TRPM6: variants seen among roughly 807,000 people sequenced by gnomAD.
TRPM6 encodes transient receptor potential cation channel subfamily M member 6, also known as channel kinase 2.
TRPM6 carries 111 observed loss-of-function variants against 247.6 expected under a neutral mutation model. That is an observed-to-expected ratio of 0.45 (90% CI 0.38 to 0.52). The LOEUF (loss-of-function observed/expected upper bound fraction) is 0.52, where lower values mean the gene tolerates loss of function less well. TRPM6 is among the 20% of genes least tolerant of loss of function. The pLI is 0.00. For synonymous variants in TRPM6, 892 were observed against 853.8 expected, an observed-to-expected ratio of 1.04 and a Z score of -0.78; for missense variants, 2,126 against 2,421.5, an observed-to-expected ratio of 0.88 and a Z score of 2.56.
Position 74,724,715 on chromosome 9 carries a change from C to G in TRPM6, c.5967G>C (p.Arg1989Ser). Residue 1989 changes from arginine to serine, a missense_variant, in exon 39 of 39, where the codon AGG (arginine) becomes AGC (serine). Physicochemically the swap from Arg to Ser is moderately radical, Grantham distance 110 (BLOSUM62 -1). This residue lies in a region of TRPM6 where 327 missense variants were observed against 397.7 expected (regional missense o/e 0.82). Transcript: ENST00000360774. ...TCTCAAGTCCAAAGGTGGAATTTAT[C>G]CTTTCAGGGGAATAGTCATTTCTTT... ...DLKRNDYSPERINSTFGLEIK... is the reference protein window; with the variant it reads ...DLKRNDYSPESINSTFGLEIK... 1 of 1,614,136 alleles carries G rather than the reference C, an allele frequency of 6.2e-7. No individual in the cohort carries two copies. The highest frequency in any genetic ancestry group is 8.5e-7 in the Non-Finnish European group (1 of 1,180,008).
chr9:74,731,309 T>G (rs563470284), intron 37 of TRPM6, among the ~76,000 whole-genome samples: 1 of 152,162 alleles, frequency 6.6e-6, no homozygotes, highest in African/African-American at 2.4e-5. Flanking sequence ...GTACTTTTAG[T>G]ACAAGATTCC....
At chr9:74,772,385 G>C (rs1009303167) in intron 24 of TRPM6, among the ~76,000 whole-genome samples, 1 of 152,200 alleles carries the variant, frequency 6.6e-6, no homozygotes, top group Non-Finnish European at 1.5e-5. Context: ...TATTTTCACA[G>C]GTTAGAATGC....
intron 36 of TRPM6, among the ~76,000 whole-genome samples, chr9:74,735,165 G>A (rs1386193344): frequency 2.0e-5 from 3 of 151,886 alleles, no homozygotes; most frequent in East Asian, 3.9e-4. Flanking sequence ...AGGCTGCAGT[G>A]AGCCATGACT....
intron 27 of TRPM6, among the ~76,000 whole-genome samples, chr9:74,760,882 A>T (rs1215648754): frequency 2.6e-5 from 4 of 152,122 alleles, no homozygotes; most frequent in African/African-American, 9.7e-5. Context: ...GTTATTTATC[A>T]TGAGAGTGGA....
chr9:74,738,562 G>A lies in TRPM6; in HGVS notation c.5621C>T (p.Thr1874Ile). ...IYCHSANQWL[T>I]IEKYMTGEFR... ...CTCCCCTGTCATATACTTCTCAATG[G>A]TCAACCACTGGTTGGCTGAATGGCA... Residue 1874 changes from threonine (T) to isoleucine (I), a missense_variant, in exon 36 of 39, where the codon ACC becomes ATC. Around this residue, in one of 3 missense-constraint regions of TRPM6, gnomAD observed 327 missense variants for 397.7 expected, o/e 0.82. Coordinates refer to ENST00000360774, the MANE Select transcript of TRPM6 (RefSeq NM_017662.5). 1 of 1,614,012 alleles carries A rather than the reference G, an allele frequency of 6.2e-7. No individual in the cohort carries two copies.
chr9:74,854,813 A>C (rs1830472211), intron 3 of TRPM6, among the ~76,000 whole-genome samples: 1 of 152,076 alleles, frequency 6.6e-6, no homozygotes, highest in African/African-American at 2.4e-5. Context: ...ACAGGCACAC[A>C]CCAACAAGTC....
chr9:74,795,022 A>C (rs1828040788), intron 18 of TRPM6, among the ~76,000 whole-genome samples: 1 of 152,032 alleles, frequency 6.6e-6, no homozygotes, highest in African/African-American at 2.4e-5. Context: ...TTTGTTATAC[A>C]ACTTTCTTAG....
intron 1 of TRPM6, chr9:74,887,105 C>A (rs181354491): frequency 2.7e-4 from 142 of 516,442 alleles, no homozygotes; most frequent in African/African-American, 2.3e-3. Context: ...CCTCTCCAAG[C>A]CCCCAGAACT....
chr9:74,853,202 C>T (rs544449826), intron 3 of TRPM6, among the ~76,000 whole-genome samples: 2 of 151,344 alleles, frequency 1.3e-5, no homozygotes, highest in Non-Finnish European at 3.0e-5. Flanking sequence ...AAGTGAGAAG[C>T]CCCTCCGCCC....
chr9:74,758,928 G>T (rs1826528927), intron 27 of TRPM6, among the ~76,000 whole-genome samples: 1 of 151,974 alleles, frequency 6.6e-6, no homozygotes, highest in South Asian at 2.1e-4. Context: ...AGTTTAGCAA[G>T]GTTGCAAAAT....
intron 9 of TRPM6, 153 bp downstream of exon 9, chr9:74,820,151 T>G: frequency 1.2e-6 from 1 of 803,132 alleles, no homozygotes; most frequent in Non-Finnish European, 2.0e-6. Flanking sequence ...TTTATCCTGA[T>G]TTTCTCCCTC....
At chr9:74,756,856 A>C (rs1441092044) in intron 27 of TRPM6, among the ~76,000 whole-genome samples, 1 of 151,754 alleles carries the variant, frequency 6.6e-6, no homozygotes, top group Non-Finnish European at 1.5e-5. Flanking sequence ...CAAAAGAAAA[A>C]AAAAAATTAA....
rs1229638256 is a variant in TRPM6 at position 74,776,225 on chromosome 9, T to C, written c.3210-149A>G. ...ACTATCCACGTGTTTACAATTCTTC[T>C]TCCACCAAACAAAATATATTAGCTA... On this transcript the variant is annotated intron_variant, in intron 23 of 38. Coordinates refer to ENST00000360774, the MANE Select transcript of TRPM6 (RefSeq NM_017662.5). 1.8e-5 allele frequency: 13 copies of C among 716,788 alleles called. No individual in the cohort carries two copies. The East Asian group carries it at 3.5e-4, about 19-fold the overall frequency. 44.4% of individuals were successfully genotyped at this position (716,788 alleles called of 1,614,324 possible).
Position 74,761,702 on chromosome 9 carries a change from C to T in TRPM6, c.4779G>A (p.Gln1593=). Residue 1593 remains glutamine (Q), a synonymous_variant, in exon 27 of 39, where the codon CAG becomes CAA. Transcript: ENST00000360774. ...AGAATAACAGTACACTTACTGGCAC[C>T]TGGAGTCCTTGAGTATTCTTCTTTT... The part of the protein sequence containing the change: ...SKKKKNTQGL[Q]VPIITVNACS... 3 of 1,601,670 alleles carry T rather than the reference C, an allele frequency of 1.9e-6. No individual in the cohort carries two copies. Among genetic ancestry groups the T allele is most frequent in the Non-Finnish European group, 2.6e-6 (3 of 1,169,132 alleles).
chr9:74,785,730 A>G (rs565561019), intron 21 of TRPM6, 144 bp downstream of exon 21: 233 of 900,528 alleles, frequency 2.6e-4, no homozygotes, highest in Middle Eastern at 1.4e-3. Flanking sequence ...TCACCCTGTT[A>G]GCCAGGATGT....
At position 74,728,229 on chromosome 9, in the gene TRPM6, A is replaced by C. The variant is rs1222104350; in HGVS notation, c.5935+10T>G. 1.3e-6 allele frequency: 2 copies of C among 1,597,356 alleles called. No homozygotes were observed. Among genetic ancestry groups the C allele is most frequent in the Non-Finnish European group, 1.7e-6 (2 of 1,164,728 alleles). ...TTTACTTAGAGAAAAAAGAACTGTTAGTGGCATACCCGGGAGTTTGAGCTT... is the reference window on the plus strand; with the variant it reads ...TTTACTTAGAGAAAAAAGAACTGTTCGTGGCATACCCGGGAGTTTGAGCTT... On this transcript the variant is annotated intron_variant, in intron 38 of 38. Transcript: ENST00000360774.
chr9:74,827,561 A>T, intron 7 of TRPM6: 2 of 666,402 alleles, frequency 3.0e-6, no homozygotes, highest in South Asian at 3.3e-5. Flanking sequence ...TCATGGAAGG[A>T]TGAAGACTTT....
At chr9:74,733,971 G>C (rs1825609591) in intron 36 of TRPM6, among the ~76,000 whole-genome samples, 1 of 152,194 alleles carries the variant, frequency 6.6e-6, no homozygotes, top group Non-Finnish European at 1.5e-5. Context: ...TGAGATGTAT[G>C]CTTATGGTAT....
At chr9:74,887,598 C>A in intron 1 of TRPM6, 1 of 1,525,630 alleles carries the variant, frequency 6.6e-7, no homozygotes. Context: ...GAAACGGGGG[C>A]TGCGGGACCT....
Sources: allele counts gnomAD v4.1 joint callset (sites outside exome capture counted in the v4.1 genomes callset), GRCh38; gene constraint gnomAD v4.1.1; regional missense constraint gnomAD v4.1.1; transcripts MANE v1.5; gene names NCBI Gene and HGNC (gene_info 2026-07-23, HGNC 2026-07-21).